The following PAK3 variants were observed in gnomAD, a reference collection of about 807,000 sequenced individuals.
PAK3 encodes the protein p21 (RAC1) activated kinase 3.
PAK3 carries 4 observed loss-of-function variants against 41.0 expected under a neutral mutation model. The ratio of observed to expected loss-of-function variants is 0.10; its 90% CI spans 0.05 to 0.22. The LOEUF is 0.22. Ranked by LOEUF, PAK3 falls within the 10% of genes least tolerant of loss-of-function variation. PAK3 has a pLI of 1.00. For synonymous variants in PAK3, 146 were observed against 139.6 expected (o/e 1.05, Z -0.32); for missense variants, 205 against 409.9 (o/e 0.50, Z 4.32).
intron 1 of PAK3, among the ~76,000 whole-genome samples, chrX:111,021,520 A>T (rs1468544395): frequency 9.0e-6 from 1 of 111,572 alleles, no homozygotes; most frequent in African/African-American, 3.3e-5. Context: ...CACCCATGAG[A>T]CAAAACAATC....
intron 3 of PAK3, among the ~76,000 whole-genome samples, chrX:111,098,246 A>T (rs2093046399): frequency 9.2e-6 from 1 of 109,257 alleles, no homozygotes; most frequent in African/African-American, 3.4e-5. Context: ...AACTGCAGGG[A>T]TGGGAAGGTG....
At chrX:111,118,790 T>C (rs1306999975) in intron 4 of PAK3, among the ~76,000 whole-genome samples, 2 of 111,992 alleles carry the variant, frequency 1.8e-5, no homozygotes, top group African/African-American at 6.5e-5. Flanking sequence ...AATAAATAGT[T>C]ATGTCTATTT....
chrX:111,019,722 A>AGG (rs55957364), intron 1 of PAK3, among the ~76,000 whole-genome samples: 2 of 84,173 alleles, frequency 2.4e-5, no homozygotes, highest in African/African-American at 8.8e-5. Flanking sequence ...GAAAAGAAAA[A>AGG]GGGGGGGGGG....
intron 1 of PAK3, among the ~76,000 whole-genome samples, chrX:111,090,958 C>A (rs2092925156): frequency 9.0e-6 from 1 of 111,510 alleles, no homozygotes; most frequent in Non-Finnish European, 1.9e-5. Context: ...TGATTGAGAT[C>A]ATGTAAGGAA....
At chrX:111,212,110 G>C (rs2094828259) in intron 16 of PAK3, among the ~76,000 whole-genome samples, 1 of 111,176 alleles carries the variant, frequency 9.0e-6, no homozygotes, top group African/African-American at 3.3e-5. Context: ...TGCTGGGTGA[G>C]GAAGAAGGGG....
chrX:111,047,578 T>C (rs2092512259), intron 1 of PAK3, among the ~76,000 whole-genome samples: 1 of 111,016 alleles, frequency 9.0e-6, no homozygotes, highest in South Asian at 3.9e-4. Context: ...GAGAACTCAC[T>C]CAGGATATGA....
intron 1 of PAK3, among the ~76,000 whole-genome samples, chrX:110,970,607 G>T (rs1355474036): frequency 2.7e-5 from 3 of 111,069 alleles, no homozygotes; most frequent in African/African-American, 9.8e-5. Flanking sequence ...TGGGTGGGGG[G>T]AAAGAGGAGG....
intron 1 of PAK3, among the ~76,000 whole-genome samples, chrX:111,087,809 A>T (rs371222850): frequency 9.3e-6 from 1 of 107,894 alleles, no homozygotes; most frequent in East Asian, 2.9e-4. Context: ...CAAACAAAAA[A>T]ACCTGGGTAA....
intron 5 of PAK3, among the ~76,000 whole-genome samples, chrX:111,138,359 T>A (rs1398559951): frequency 9.0e-6 from 1 of 111,223 alleles, no homozygotes; most frequent in African/African-American, 3.3e-5. Context: ...AATAAATAAA[T>A]TACACTCTTT....
At position 111,196,598 on chromosome X, in the gene PAK3, G is replaced by A; in HGVS notation, c.1365G>A (p.Met455Ile). 1 of 1,204,858 alleles carries A rather than the reference G, an allele frequency of 8.3e-7. No homozygotes were observed. Among genetic ancestry groups the A allele is most frequent in the Non-Finnish European group, 1.1e-6 (1 of 889,704 alleles). Residue 455 changes from methionine to isoleucine, a missense_variant, in exon 16 of 18, where the codon ATG becomes ATA. Physicochemically the swap from Met to Ile is conservative, Grantham distance 10. Coordinates refer to ENST00000372007, the MANE Select transcript of PAK3 (RefSeq NM_002578.5). ...IWSLGIMAIE[M>I]VEGEPPYLNE... Reference sequence around the variant, plus strand: ...CTCTTGGAATTATGGCAATTGAAATGGTGGAAGGTGAACCCCCTTACCTTA... The same window carrying A: ...CTCTTGGAATTATGGCAATTGAAATAGTGGAAGGTGAACCCCCTTACCTTA...
At chrX:110,956,256 C>A (rs745386936) in intron 1 of PAK3, among the ~76,000 whole-genome samples, 50 of 111,648 alleles carry the variant, frequency 4.5e-4, no homozygotes, top group African/African-American at 1.6e-3. Flanking sequence ...ATAGTAGCTA[C>A]GTTTTTGGGT....
chrX:111,003,880 G>A (rs995133257), intron 1 of PAK3, among the ~76,000 whole-genome samples: 1 of 112,458 alleles, frequency 8.9e-6, no homozygotes, highest in Admixed American at 9.4e-5. Flanking sequence ...CAACGAGACT[G>A]CTTAGCTTAA....
chrX:111,175,231 G>A (rs2094392603), intron 11 of PAK3, among the ~76,000 whole-genome samples: 1 of 111,598 alleles, frequency 9.0e-6, no homozygotes, highest in Non-Finnish European at 1.9e-5. Context: ...GTCCAGTATG[G>A]TGGCCAGTAA....
chrX:111,074,078 A>G (rs1393587309), intron 1 of PAK3, among the ~76,000 whole-genome samples: 1 of 112,359 alleles, frequency 8.9e-6, no homozygotes, highest in Non-Finnish European at 1.9e-5. Context: ...AATGTGATGC[A>G]CCAATTAAAA....
At chrX:111,028,336 C>A (rs934088258) in intron 1 of PAK3, among the ~76,000 whole-genome samples, 5 of 109,607 alleles carry the variant, frequency 4.6e-5, no homozygotes, top group African/African-American at 1.7e-4. Flanking sequence ...TATCGGAAAT[C>A]ACCACTAAAG....
At position 111,220,963 on chromosome X, in the gene PAK3, C is replaced by CA. The variant is rs1319121618; in HGVS notation, c.*519dup. Reference sequence around the variant, plus strand: ...AGCAAGGCAAAAAAAAAAAAAAAAACAAACAAAAACAAAAACAAAACAAAA... The same window carrying CA: ...AGCAAGGCAAAAAAAAAAAAAAAAACAAAACAAAAACAAAAACAAAACAAAA... On this transcript the variant is annotated 3_prime_UTR_variant, in exon 18 of 18. Coordinates refer to ENST00000372007, the MANE Select transcript of PAK3 (RefSeq NM_002578.5). 3.7e-5 allele frequency: 2 copies of CA among 54,531 alleles called. No homozygotes were observed. Among genetic ancestry groups the CA allele is most frequent in the African/African-American group, 1.3e-4 (2 of 15,482 alleles). The allele number at this position is 54,531 out of a possible 1,213,427, so 4.5% of individuals were successfully genotyped here.
At chrX:111,200,581 C>T (rs2149345395) in intron 16 of PAK3, among the ~76,000 whole-genome samples, 1 of 112,318 alleles carries the variant, frequency 8.9e-6, no homozygotes, top group African/African-American at 3.2e-5. Flanking sequence ...CACACCTGGC[C>T]TATGGTCCAG....
upstream of PAK3, among the ~76,000 whole-genome samples, chrX:111,093,587 T>G (rs2092946030): frequency 1.8e-5 from 2 of 112,320 alleles, no homozygotes; most frequent in African/African-American, 6.5e-5. Flanking sequence ...CAGTAAAGAC[T>G]GCTTTCTCGT....
intron 16 of PAK3, among the ~76,000 whole-genome samples, chrX:111,211,589 T>C (rs2094820506): frequency 9.4e-6 from 1 of 106,906 alleles, no homozygotes; most frequent in Non-Finnish European, 1.9e-5. Context: ...GGCAGGAGAA[T>C]TGCTTGAACC....
Sources: allele counts gnomAD v4.1 joint callset (sites outside exome capture counted in the v4.1 genomes callset), GRCh38; gene constraint gnomAD v4.1.1; transcripts MANE v1.5; gene names NCBI Gene and HGNC (gene_info 2026-07-23, HGNC 2026-07-21).